APBB2: variants seen among roughly 807,000 people sequenced by gnomAD.
APBB2 encodes Fe65-like 1.
Under a neutral mutation model 82.5 loss-of-function variants are expected in APBB2, and 38 were observed. That is an observed-to-expected ratio of 0.46 (90% confidence interval 0.36 to 0.60). The LOEUF (loss-of-function observed/expected upper bound fraction) is 0.60, where lower values mean the gene tolerates loss of function less well. APBB2 is among the 20% of genes least tolerant of loss of function. The pLI is 0.00. For missense variants in APBB2, 772 were observed against 972.3 expected (o/e 0.79, Z 2.74); for synonymous variants, 341 against 368.2 (o/e 0.93, Z 0.85).
rs1430927083 is a variant in APBB2 at position 40,890,389 on chromosome 4, A to C, written c.1504T>G (p.Trp502Gly). The C allele has an allele frequency of 6.2e-7, 1 of 1,613,480 alleles. No homozygotes were observed. Among genetic ancestry groups the C allele is most frequent in the Non-Finnish European group, 8.5e-7 (1 of 1,180,004 alleles). Residue 502 changes from tryptophan (W) to glycine (G), a missense_variant, in exon 12 of 18, where the codon TGG becomes GGG. Trp to Gly is a radical substitution (Grantham distance 184, BLOSUM62 -2). Coordinates refer to ENST00000508593, the MANE Select transcript of APBB2 (RefSeq NM_004307.2). ...HSQPIVSIRV[W>G]GVGRDNGRDF... ...CGGCCATTGTCGCGGCCCACGCCCC[A>C]CACGCGGATGCTGACGATGGGCTGC...
intron 3 of APBB2, among the ~76,000 whole-genome samples, chr4:41,090,000 A>G (rs886782002): frequency 6.6e-6 from 1 of 152,212 alleles, no homozygotes; most frequent in African/African-American, 2.4e-5. Flanking sequence ...TATATGAACT[A>G]TAATGGCAAT....
intron 12 of APBB2, among the ~76,000 whole-genome samples, chr4:40,874,088 T>C (rs1268728821): frequency 3.9e-5 from 6 of 152,246 alleles, no homozygotes; most frequent in Non-Finnish European, 7.3e-5. Flanking sequence ...AAAGTAATTC[T>C]ATAAATTAAC....
At chr4:40,865,197 C>T (rs1176825429) in intron 12 of APBB2, among the ~76,000 whole-genome samples, 1 of 152,146 alleles carries the variant, frequency 6.6e-6, no homozygotes, top group East Asian at 1.9e-4. Flanking sequence ...CCCCACTCAA[C>T]GCCCTGGCTT....
intron 6 of APBB2, among the ~76,000 whole-genome samples, chr4:40,981,197 G>A (rs903058127): frequency 1.3e-5 from 2 of 152,088 alleles, no homozygotes; most frequent in African/African-American, 4.8e-5. Flanking sequence ...GAGGTCAAGA[G>A]ATTGAGACCA....
chr4:41,116,500 G>A (rs188108320), intron 2 of APBB2, among the ~76,000 whole-genome samples: 31 of 152,166 alleles, frequency 2.0e-4, no homozygotes, highest in Admixed American at 9.2e-4. Context: ...GCATGGTGGC[G>A]GGTGCCTGTA....
intron 12 of APBB2, among the ~76,000 whole-genome samples, chr4:40,848,009 T>C (rs1758191398): frequency 6.6e-6 from 1 of 152,182 alleles, no homozygotes; most frequent in Non-Finnish European, 1.5e-5. Context: ...TCTCACTATG[T>C]TGCAAAGGTT....
chr4:41,086,255 T>C (rs1739607239), intron 3 of APBB2, among the ~76,000 whole-genome samples: 1 of 152,088 alleles, frequency 6.6e-6, no homozygotes, highest in African/African-American at 2.4e-5. Flanking sequence ...TAAAGAAGAA[T>C]TAACATCAAT....
At chr4:41,140,188 A>T (rs1005252677) in intron 2 of APBB2, among the ~76,000 whole-genome samples, 2 of 152,198 alleles carry the variant, frequency 1.3e-5, no homozygotes, top group Non-Finnish European at 2.9e-5. Flanking sequence ...TCGTGTTAAA[A>T]CTAACTCCAG....
intron 1 of APBB2, among the ~76,000 whole-genome samples, chr4:41,154,295 T>C (rs1235653373): frequency 6.6e-6 from 1 of 152,210 alleles, no homozygotes; most frequent in African/African-American, 2.4e-5. Context: ...GCTCCTACCA[T>C]TATACCCGCT....
At chr4:41,035,551 G>C (rs1241464834) in intron 4 of APBB2, among the ~76,000 whole-genome samples, 1 of 152,122 alleles carries the variant, frequency 6.6e-6, no homozygotes, top group Non-Finnish European at 1.5e-5. Flanking sequence ...GCTATGCAGA[G>C]AAAGAGATGA....
intron 6 of APBB2, among the ~76,000 whole-genome samples, chr4:40,955,286 C>T (rs1304708044): frequency 2.0e-5 from 3 of 152,188 alleles, no homozygotes; most frequent in Admixed American, 6.5e-5. Flanking sequence ...AAAGAGGGAA[C>T]AGCAAGGGCA....
chr4:40,977,398 C>T lies in APBB2; in HGVS notation c.836-32325G>A, dbSNP rs116065242. ...CATAATCTCAGCTCACTGCAATCTC[C>T]AACTCCCAGGTTCAAGCGATTCTCA... On this transcript the variant is annotated intron_variant, in intron 6 of 17. Transcript: ENST00000508593. 4.2e-3 allele frequency among the ~76,000 whole-genome samples: 635 copies of T among 152,010 alleles called. 7 individuals are homozygous for T. Among genetic ancestry groups the T allele is most frequent in the African/African-American group, 0.015 (617 of 41,460 alleles).
intron 2 of APBB2, among the ~76,000 whole-genome samples, chr4:41,103,938 A>T (rs1438582740): frequency 2.0e-5 from 3 of 152,234 alleles, no homozygotes; most frequent in South Asian, 4.1e-4. Flanking sequence ...AAAGTTTATA[A>T]ACCCATTACA....
At chr4:40,951,066 T>C (rs1056051318) in intron 6 of APBB2, among the ~76,000 whole-genome samples, 8 of 152,098 alleles carry the variant, frequency 5.3e-5, no homozygotes, top group African/African-American at 1.9e-4. Context: ...GGTAAAACTA[T>C]AAAGAAATGC....
intron 3 of APBB2, among the ~76,000 whole-genome samples, chr4:41,075,379 C>T (rs1735314203): frequency 6.6e-6 from 1 of 152,138 alleles, no homozygotes; most frequent in African/African-American, 2.4e-5. Flanking sequence ...AGATAATACT[C>T]GGCCTTGATT....
chr4:41,022,974 T>C (rs1579318671), intron 5 of APBB2, among the ~76,000 whole-genome samples: 1 of 152,208 alleles, frequency 6.6e-6, no homozygotes, highest in Admixed American at 6.5e-5. Context: ...TTACCCCATG[T>C]AGCATCTGAG....
chr4:40,975,392 C>A (rs1486453683), intron 6 of APBB2, among the ~76,000 whole-genome samples: 1 of 152,122 alleles, frequency 6.6e-6, no homozygotes, highest in African/African-American at 2.4e-5. Context: ...CAGTTCTCCC[C>A]TCACTCCCCT....
intron 10 of APBB2, among the ~76,000 whole-genome samples, chr4:40,907,039 G>A (rs1055675803): frequency 6.6e-6 from 1 of 151,976 alleles, no homozygotes; most frequent in Admixed American, 6.6e-5. Flanking sequence ...GGTACAGATA[G>A]ACATACATGC....
intron 1 of APBB2, among the ~76,000 whole-genome samples, chr4:41,160,724 A>AGAGG (rs540981884): frequency 1.3e-5 from 2 of 152,284 alleles, no homozygotes; most frequent in South Asian, 2.1e-4. Flanking sequence ...TAGCTCAAAG[A>AGAGG]GAGGGAGGGA....
Sources: gnomAD v4.1 joint callset for allele counts (sites outside exome capture counted in the v4.1 genomes callset) on GRCh38, gnomAD v4.1.1 for gene constraint, MANE v1.5 for transcripts, NCBI Gene and HGNC (gene_info 2026-07-23, HGNC 2026-07-21) for gene names.